Variants in ZNF333 observed in about 807,000 individuals in gnomAD.
ZNF333 encodes the protein zinc finger protein 333.
Under a neutral mutation model 76.1 loss-of-function variants are expected in ZNF333, and 61 were observed. That is an observed-to-expected ratio of 0.80 (90% CI 0.65 to 0.99). The LOEUF (loss-of-function observed/expected upper bound fraction) is 0.99, where lower values mean the gene tolerates loss of function less well. Ranked by LOEUF, ZNF333 falls within the 50% of genes least tolerant of loss-of-function variation. The pLI is 0.00. For synonymous variants in ZNF333, 284 were observed against 305.0 expected, an observed-to-expected ratio of 0.93 and a Z score of 0.72; for missense variants, 717 against 822.4, an observed-to-expected ratio of 0.87 and a Z score of 1.57.
upstream of ZNF333, chr19:14,689,985 G>T (rs1972617471): frequency 6.6e-6 from 1 of 152,326 alleles, no homozygotes; most frequent in Non-Finnish European, 1.5e-5. Flanking sequence ...CGCCGCCTAA[G>T]GCTACCCTGG....
At position 14,719,765 on chromosome 19, in the gene ZNF333, A is replaced by T. The variant is rs1296918440; in HGVS notation, c.*440A>T. On this transcript the variant is annotated 3_prime_UTR_variant, in exon 12 of 12. Coordinates refer to ENST00000292530, the MANE Select transcript of ZNF333 (RefSeq NM_032433.4). Reference sequence around the variant, plus strand: ...GCCTCTTTGTTACTGAGTCATAGGTATTTGCTGAGATTTGCTATTAGGTCT... The same window carrying T: ...GCCTCTTTGTTACTGAGTCATAGGTTTTTGCTGAGATTTGCTATTAGGTCT... 4.0e-6 allele frequency: 4 copies of T among 989,864 alleles called. No individual in the cohort carries two copies. Among genetic ancestry groups the T allele is most frequent in the Admixed American group, 5.9e-5 (1 of 16,870 alleles). The allele number at this position is 989,864 out of a possible 1,614,324, so 61.3% of individuals were successfully genotyped here.
At chr19:14,704,993 G>T in intron 5 of ZNF333, 61 bp from the exon 6 acceptor site, 1 of 1,541,874 alleles carries the variant, frequency 6.5e-7, no homozygotes, top group South Asian at 1.2e-5. Context: ...AAGGTCTCTC[G>T]GGCTGAGAAC....
intron 2 of ZNF333, 57 bp from the exon 3 acceptor site, chr19:14,694,953 G>C: frequency 6.2e-7 from 1 of 1,608,306 alleles, no homozygotes; most frequent in Non-Finnish European, 8.5e-7. Flanking sequence ...ATAACCAGTC[G>C]TTCTGCTCAG....
chr19:14,718,210 ATT>A lies in ZNF333; in HGVS notation c.901-15_901-14del. 5 of 1,590,438 alleles carry A rather than the reference ATT, an allele frequency of 3.1e-6. No homozygotes were observed. In the East Asian group the frequency reaches 1.1e-4, roughly 36 times the overall value. ...ATCTAATAAGGCCTTTGGTCTTCACATTTTCCTTCATCGACAGGAGCAACCTC... is the reference window on the plus strand; with the variant it reads ...ATCTAATAAGGCCTTTGGTCTTCACATTCCTTCATCGACAGGAGCAACCTC... On this transcript the variant is annotated splice_polypyrimidine_tract_variant and intron_variant, in intron 11 of 11. Transcript: ENST00000292530.
upstream of ZNF333, chr19:14,689,936 T>G (rs1339150254): frequency 6.6e-6 from 1 of 152,268 alleles, no homozygotes; most frequent in Non-Finnish European, 1.5e-5. Context: ...AATACTAGAA[T>G]TTCTCCTTGG....
chr19:14,706,574 T>C (rs1471864842), intron 6 of ZNF333, 112 bp from the exon 7 acceptor site: 1 of 820,492 alleles, frequency 1.2e-6, no homozygotes, highest in Non-Finnish European at 2.1e-6. Context: ...CTTCTTTTAT[T>C]AATATGTTCC....
chr19:14,696,007 C>T (rs980800037), intron 4 of ZNF333, among the ~76,000 whole-genome samples: 1 of 152,106 alleles, frequency 6.6e-6, no homozygotes, highest in African/African-American at 2.4e-5. Context: ...GGCAAAACCC[C>T]ATCTCTACCA....
exon 12 of ZNF333, chr19:14,731,489 A>G: frequency 2.6e-6 from 1 of 384,574 alleles, no homozygotes; most frequent in Non-Finnish European, 4.7e-6. Context: ...AGATGCAGAA[A>G]GGGGGAAAAC....
intron 11 of ZNF333, among the ~76,000 whole-genome samples, chr19:14,728,873 A>G (rs1004577910): frequency 6.6e-6 from 1 of 152,170 alleles, no homozygotes; most frequent in Non-Finnish European, 1.5e-5. Flanking sequence ...GGGGTTTTAT[A>G]TCCTTAACGC....
chr19:14,729,475 C>T (rs2042654490), intron 11 of ZNF333, among the ~76,000 whole-genome samples: 1 of 152,104 alleles, frequency 6.6e-6, no homozygotes, highest in Admixed American at 6.6e-5. Context: ...CCTTCCTCCT[C>T]AGCCTCCAGA....
At position 14,719,406 on chromosome 19, in the gene ZNF333, T is replaced by C. The variant is rs904030235; in HGVS notation, c.*81T>C. On this transcript the variant is annotated 3_prime_UTR_variant, in exon 12 of 12. Transcript: ENST00000292530. ...CCTTTAGCTGCATCCTGTGTTTCAA[T>C]GTATAATATTTTCATTTTGGTTTAA... 7.1e-6 allele frequency: 10 copies of C among 1,400,766 alleles called. No individual in the cohort carries two copies. The highest frequency in any genetic ancestry group is 9.5e-6 in the Non-Finnish European group (10 of 1,049,238). 86.8% of individuals were successfully genotyped at this position (1,400,766 alleles called of 1,614,324 possible).
chr19:14,727,314 C>T (rs2042640052), intron 11 of ZNF333, among the ~76,000 whole-genome samples: 2 of 152,166 alleles, frequency 1.3e-5, no homozygotes, highest in Admixed American at 6.5e-5. Flanking sequence ...AGGTGTGAGC[C>T]ACCAAGCCCG....
chr19:14,730,510 CCTTT>C (rs1205503538), intron 11 of ZNF333, among the ~76,000 whole-genome samples: 3 of 151,512 alleles, frequency 2.0e-5, no homozygotes, highest in Admixed American at 1.3e-4. Context: ...TTCTCTATCT[CCTTT>C]CTTTTTCTTT....
intron 7 of ZNF333, chr19:14,708,759 A>T (rs1483621194): frequency 5.6e-6 from 1 of 179,666 alleles, no homozygotes; most frequent in East Asian, 1.4e-4. Flanking sequence ...GCAAAAATAT[A>T]TTGTCTCACC....
intron 6 of ZNF333, among the ~76,000 whole-genome samples, 200 bp downstream of exon 6, chr19:14,705,370 C>T (rs188784717): frequency 2.6e-4 from 39 of 152,190 alleles, no homozygotes; most frequent in African/African-American, 7.9e-4. Context: ...GGCTCCAGGG[C>T]GGGTCCTGGG....
At chr19:14,731,094 T>A (rs1289650388) in intron 11 of ZNF333, 163 of 1,076,290 alleles carry the variant, frequency 1.5e-4, no homozygotes, top group Non-Finnish European at 1.9e-4. Flanking sequence ...TCCTGCCCCC[T>A]CCCCCCAAGG....
intron 5 of ZNF333, among the ~76,000 whole-genome samples, chr19:14,704,811 GA>G (rs1400230602): frequency 1.3e-5 from 2 of 152,234 alleles, no homozygotes; most frequent in East Asian, 3.9e-4. Context: ...TTTTGATGGG[GA>G]CAGAGCCAAA....
intron 4 of ZNF333, among the ~76,000 whole-genome samples, chr19:14,698,893 A>AATATATATATATAT (rs1555771012): frequency 1.8e-5 from 2 of 113,060 alleles, no homozygotes; most frequent in African/African-American, 7.4e-5. Context: ...CACACACACA[A>AATATATATATATAT]ATATAGATAT....
chr19:14,724,852 T>C (rs1473643336), downstream of ZNF333, among the ~76,000 whole-genome samples: 2 of 152,206 alleles, frequency 1.3e-5, no homozygotes, highest in East Asian at 3.9e-4. Flanking sequence ...ATTAATTCTT[T>C]CCGTGAAAAT....
Sources: allele counts gnomAD v4.1 joint callset (sites outside exome capture counted in the v4.1 genomes callset), GRCh38; gene constraint gnomAD v4.1.1; transcripts MANE v1.5; gene names NCBI Gene and HGNC (gene_info 2026-07-23, HGNC 2026-07-21).